PHKB: variants seen among roughly 807,000 people sequenced by gnomAD.
PHKB encodes phosphorylase b kinase regulatory subunit beta.
In PHKB, 122 loss-of-function variants were observed where a neutral mutation model predicts 152.1. The observed-to-expected ratio is 0.80, with a 90% CI of 0.69 to 0.93. PHKB has a LOEUF of 0.93. PHKB is among the 40% of genes least tolerant of loss of function. The probability of loss-of-function intolerance (pLI) is 0.00; values close to 1 mark genes in which losing one functional copy is unlikely to be tolerated. For missense variants in PHKB, 1,304 were observed against 1,328.4 expected (o/e 0.98, Z 0.29); for synonymous variants, 436 against 464.9 (o/e 0.94, Z 0.80).
chr16:47,541,267 A>G (rs1393009094), intron 6 of PHKB, among the ~76,000 whole-genome samples: 1 of 152,042 alleles, frequency 6.6e-6, no homozygotes, highest in African/African-American at 2.4e-5. Flanking sequence ...TGTCCTTGCA[A>G]TAGTTTGCTG....
intron 27 of PHKB, among the ~76,000 whole-genome samples, chr16:47,690,107 T>C (rs75794117): frequency 0.013 from 1,915 of 152,266 alleles, 38 homozygotes; most frequent in African/African-American, 0.044. Context: ...AGTTGAACAG[T>C]ATAGAAAGTC....
At chr16:47,491,790 C>G (rs947635948) in intron 1 of PHKB, among the ~76,000 whole-genome samples, 2 of 151,804 alleles carry the variant, frequency 1.3e-5, no homozygotes, top group Admixed American at 1.3e-4. Context: ...TTATCCACTT[C>G]CAGTTCCTGG....
At chr16:47,487,940 C>T (rs1970077522) in intron 1 of PHKB, among the ~76,000 whole-genome samples, 1 of 152,160 alleles carries the variant, frequency 6.6e-6, no homozygotes, top group Non-Finnish European at 1.5e-5. Context: ...ATTTATATTC[C>T]TTTGAGTATA....
At position 47,679,124 on chromosome 16, in the gene PHKB, G is replaced by A. The variant is rs963898100; in HGVS notation, c.2630+9707G>A. Among the ~76,000 whole-genome samples the A allele has an allele frequency of 6.4e-4, 97 of 152,160 alleles. No individual in the cohort carries two copies. The East Asian group carries it at 0.015, about 23-fold the overall frequency. ...CTGAGGGCTCTGTTCTGTTCCATTG[G>A]TCTATATCTCTGTTTTGGTACCAGT... On this transcript the variant is annotated intron_variant, in intron 26 of 30. Coordinates refer to ENST00000323584, the MANE Select transcript of PHKB (RefSeq NM_000293.3).
rs535628019 is a variant in PHKB at position 47,530,915 on chromosome 16, C to T, written c.594+15314C>T. 8.5e-4 allele frequency among the ~76,000 whole-genome samples: 130 copies of T among 152,226 alleles called. 1 individual carries two copies. The Middle Eastern group carries it at 0.01, about 12-fold the overall frequency. ...CTAAACTCAACAAAATTTCCGTAGACGTCTCAACAGATTTTTAATGGAATT... is the reference window on the plus strand; with the variant it reads ...CTAAACTCAACAAAATTTCCGTAGATGTCTCAACAGATTTTTAATGGAATT... On this transcript the variant is annotated intron_variant, in intron 6 of 30. Coordinates refer to ENST00000323584, the MANE Select transcript of PHKB (RefSeq NM_000293.3).
At chr16:47,463,793 G>T (rs1969618123) in intron 1 of PHKB, 1 of 724,348 alleles carries the variant, frequency 1.4e-6, no homozygotes, top group African/African-American at 1.8e-5. Flanking sequence ...CTCAGTTACT[G>T]CCTTTGTTGC....
intron 16 of PHKB, among the ~76,000 whole-genome samples, 169 bp downstream of exon 16, chr16:47,641,861 T>A (rs1973028946): frequency 6.7e-6 from 1 of 148,448 alleles, no homozygotes; most frequent in African/African-American, 2.5e-5. Flanking sequence ...ACATTGTTAC[T>A]AAAAAAAAAA....
intron 6 of PHKB, among the ~76,000 whole-genome samples, chr16:47,526,449 C>T (rs1970769483): frequency 6.6e-6 from 1 of 151,740 alleles, no homozygotes; most frequent in Non-Finnish European, 1.5e-5. Flanking sequence ...ATAAGCTCAA[C>T]CTTCAGTTCC....
In PHKB at chr16:47,680,832, T is replaced by G. The variant is rs368179966; in HGVS notation, c.2631-8209T>G. Among the ~76,000 whole-genome samples the G allele has an allele frequency of 2.7e-4, 41 of 152,322 alleles. 1 individual carries two copies. In the East Asian group the frequency reaches 6.7e-3, roughly 25 times the overall value. On this transcript the variant is annotated intron_variant, in intron 26 of 30. Transcript: ENST00000323584. ...GCTAGCTTTTGAATGTGTTTGCTCT[T>G]GCTTTTCTAGTTCTTTTAATTGTGA...
intron 20 of PHKB, among the ~76,000 whole-genome samples, chr16:47,656,356 C>T (rs1486029321): frequency 6.6e-6 from 1 of 152,136 alleles, no homozygotes; most frequent in Non-Finnish European, 1.5e-5. Context: ...GGAAGTTCAC[C>T]ATTTGTGTTT....
At chr16:47,526,588 C>T (rs997787610) in intron 6 of PHKB, among the ~76,000 whole-genome samples, 4 of 150,758 alleles carry the variant, frequency 2.7e-5, no homozygotes, top group East Asian at 1.9e-4. Context: ...AACTCTAGCC[C>T]GAGTGACAGA....
At chr16:47,481,656 A>C (rs1328270292) in intron 1 of PHKB, among the ~76,000 whole-genome samples, 1 of 152,204 alleles carries the variant, frequency 6.6e-6, no homozygotes, top group Non-Finnish European at 1.5e-5. Flanking sequence ...GACAAAATTT[A>C]AGGCAAAGAA....
At chr16:47,658,615 C>T (rs569549240) in intron 20 of PHKB, among the ~76,000 whole-genome samples, 10 of 152,184 alleles carry the variant, frequency 6.6e-5, no homozygotes, top group South Asian at 2.1e-4. Flanking sequence ...CAAATATCAT[C>T]GTATTACAGT....
intron 28 of PHKB, among the ~76,000 whole-genome samples, chr16:47,694,160 C>A (rs1430772765): frequency 6.6e-6 from 1 of 152,206 alleles, no homozygotes; most frequent in Non-Finnish European, 1.5e-5. Context: ...GTGTACCTTA[C>A]CTGTGGTCCA....
At position 47,515,594 on chromosome 16, in the gene PHKB, C is replaced by T; in HGVS notation, c.587C>T (p.Thr196Ile). The change falls in exon 6 of 31, where the codon ACT becomes ATT. Residue 196 changes from threonine to isoleucine, a missense_variant. Transcript: ENST00000323584. The stretch of plus-strand genomic sequence containing the variant: ...TCAGGACTCCAGATTATCTACAACA[C>T]TGATGAGGTATGCTTTCCCCAAATT... ...ISSGLQIIYNTDEVSFIQNLV... is the reference protein window; with the variant it reads ...ISSGLQIIYNIDEVSFIQNLV... 7.3e-7 allele frequency: 1 copy of T among 1,362,828 alleles called. No homozygotes were observed. Among genetic ancestry groups the T allele is most frequent in the Non-Finnish European group, 1.1e-6 (1 of 951,276 alleles). The allele number at this position is 1,362,828 out of a possible 1,614,324, so 84.4% of individuals were successfully genotyped here. A position where few individuals can be genotyped will look rare whatever the true frequency, so the allele number is the denominator to read the frequency against.
chr16:47,537,268 C>T lies in PHKB; in HGVS notation c.595-10165C>T, dbSNP rs572767779. On this transcript the variant is annotated intron_variant, in intron 6 of 30. Coordinates refer to ENST00000323584, the MANE Select transcript of PHKB (RefSeq NM_000293.3). ...ACTCATGAATCAGTGGCGTTTCTTC[C>T]AAAGATCTAGCAAAGGCTCTCCAAT... 5.7e-4 allele frequency among the ~76,000 whole-genome samples: 87 copies of T among 152,288 alleles called. 2 individuals carry two copies. The South Asian group carries it at 0.013, about 23-fold the overall frequency.
At chr16:47,470,424 G>A (rs1272097666) in intron 1 of PHKB, among the ~76,000 whole-genome samples, 1 of 152,176 alleles carries the variant, frequency 6.6e-6, no homozygotes, top group Non-Finnish European at 1.5e-5. Flanking sequence ...GGCCCTGGGC[G>A]GGCCAGGTGT....
intron 1 of PHKB, among the ~76,000 whole-genome samples, chr16:47,493,561 T>G (rs1425568892): frequency 6.6e-6 from 1 of 152,174 alleles, no homozygotes; most frequent in Admixed American, 6.5e-5. Context: ...CCATAAGCAT[T>G]AAATATAAAT....
chr16:47,503,996 C>A (rs1009206755), intron 4 of PHKB, among the ~76,000 whole-genome samples: 1 of 152,064 alleles, frequency 6.6e-6, no homozygotes, highest in African/African-American at 2.4e-5. Flanking sequence ...TAGTAAGTGC[C>A]CATACGTGTA....
Sources: allele counts gnomAD v4.1 joint callset (sites outside exome capture counted in the v4.1 genomes callset), GRCh38; gene constraint gnomAD v4.1.1; transcripts MANE v1.5; gene names NCBI Gene and HGNC (gene_info 2026-07-23, HGNC 2026-07-21).